The following CCDC85C variants were observed in gnomAD, a reference collection of about 807,000 sequenced individuals.
CCDC85C encodes coiled-coil domain-containing protein 85C.
A neutral mutation model predicts 38.3 loss-of-function variants in CCDC85C; 18 were observed. That is an observed-to-expected ratio of 0.47 (90% CI 0.33 to 0.70). CCDC85C has a LOEUF of 0.70. Among genes scored for constraint, CCDC85C ranks in the 30% least tolerant of loss-of-function variants. CCDC85C has a pLI of 0.03. For missense variants in CCDC85C, 566 were observed against 621.2 expected (o/e 0.91, Z 0.94); for synonymous variants, 264 against 293.8 (o/e 0.90, Z 1.04).
In CCDC85C at chr14:99,572,588, C is replaced by T; in HGVS notation, c.793+30579G>A. 1 of 438,918 alleles carries T rather than the reference C, an allele frequency of 2.3e-6. No individual in the cohort carries two copies. The highest frequency in any genetic ancestry group is 2.4e-5 in the Admixed American group (1 of 41,762). The allele number at this position is 438,918 out of a possible 1,614,324, so 27.2% of individuals were successfully genotyped here. A position where few individuals can be genotyped will look rare whatever the true frequency, so the allele number is the denominator to read the frequency against. ...CAGGGCCTGGTCAGCTCCGGGAAAG[C>T]TCTGACATCTGTCCTTTGCTGGAAA... is the stretch of plus-strand genomic sequence containing the variant. On this transcript the variant is annotated intron_variant, in intron 1 of 5. Transcript: ENST00000380243. The surrounding 1 kb of genome is among the most constrained non-coding windows in gnomAD (Gnocchi z 4.4).
intron 2 of CCDC85C, among the ~76,000 whole-genome samples, chr14:99,532,109 G>A (rs1897505389): frequency 5.3e-5 from 8 of 152,330 alleles, no homozygotes; most frequent in Admixed American, 2.0e-4. Flanking sequence ...GCCCTGTCCT[G>A]GAGAAGATGA....
rs2055220919 is a variant in CCDC85C at position 99,603,059 on chromosome 14, GT to G, written c.793+107del. ...TCCATGACAGCTGGAGGAGTCTGGA[GT>G]GGCGGCCGCATGAGTGGGACAGCCA... is the stretch of plus-strand genomic sequence containing the variant. On this transcript the variant is annotated intron_variant, in intron 1 of 5. Coordinates refer to ENST00000380243, the MANE Select transcript of CCDC85C (RefSeq NM_001144995.2). The surrounding 1 kb of genome is among the most constrained non-coding windows in gnomAD (Gnocchi z 7.5). 8.1e-7 allele frequency: 1 copy of G among 1,232,498 alleles called. No individual in the cohort carries two copies. Among genetic ancestry groups the G allele is most frequent in the African/African-American group, 1.6e-5 (1 of 63,854 alleles). The allele number at this position is 1,232,498 out of a possible 1,614,324, so 76.3% of individuals were successfully genotyped here.
chr14:99,545,035 GA>G lies in CCDC85C; in HGVS notation c.794-8948del, dbSNP rs1897781450. ...GGACACCCTTCCCAGTGCCTCCAGG[GA>G]AAAAAAGTAGCTAGAGAAGAGGAAA... is the stretch of plus-strand genomic sequence containing the variant. On this transcript the variant is annotated intron_variant, in intron 1 of 5. Transcript: ENST00000380243. The surrounding 1 kb of genome is among the most constrained non-coding windows in gnomAD (Gnocchi z 4.7). Among the ~76,000 whole-genome samples, 1 of 152,072 alleles carries G rather than the reference GA, an allele frequency of 6.6e-6. No homozygotes were observed. Among genetic ancestry groups the G allele is most frequent in the Non-Finnish European group, 1.5e-5 (1 of 68,004 alleles).
Position 99,501,336 on chromosome 14 carries a change from CT to C in CCDC85C, c.*13909del. 4 of 1,554,636 alleles carry C rather than the reference CT, an allele frequency of 2.6e-6. No homozygotes were observed. The highest frequency in any genetic ancestry group is 2.7e-6 in the Non-Finnish European group (3 of 1,128,368). ...AATTTTTCTATTGCTATTAATTTAC[CT>C]TTTTGTCCCCATTTCTAGGTGATAA... On this transcript the variant is annotated 3_prime_UTR_variant, in exon 6 of 6. Coordinates refer to ENST00000380243, the MANE Select transcript of CCDC85C (RefSeq NM_001144995.2).
intron 1 of CCDC85C, among the ~76,000 whole-genome samples, chr14:99,538,062 G>T (rs1002370177): frequency 6.6e-6 from 1 of 152,194 alleles, no homozygotes; most frequent in Non-Finnish European, 1.5e-5. Flanking sequence ...CACGTGTGGG[G>T]TCTCCCTCTG....
At chr14:99,534,988 G>A (rs1566764695) in intron 2 of CCDC85C, 1 of 448,742 alleles carries the variant, frequency 2.2e-6, no homozygotes, top group Admixed American at 3.7e-5. Context: ...ATCCCACCAG[G>A]CCCTGGGAAC....
At position 99,511,096 on chromosome 14, in the gene CCDC85C, A is replaced by G. The variant is rs1167869410; in HGVS notation, c.*4150T>C. On this transcript the variant is annotated 3_prime_UTR_variant, in exon 6 of 6. Coordinates refer to ENST00000380243, the MANE Select transcript of CCDC85C (RefSeq NM_001144995.2). ...TTAACCAGCCATATTGGCTCAATAA[A>G]TAGCTTCGGTAAGGAGTTAATTTCC... is the stretch of plus-strand genomic sequence containing the variant. 1.4e-5 allele frequency: 3 copies of G among 218,552 alleles called. No individual in the cohort carries two copies. Among genetic ancestry groups the G allele is most frequent in the Non-Finnish European group, 2.7e-5 (3 of 111,750 alleles). The allele number at this position is 218,552 out of a possible 1,614,324, so 13.5% of individuals were successfully genotyped here.
At position 99,510,954 on chromosome 14, in the gene CCDC85C, C is replaced by T. The variant is rs1375617623; in HGVS notation, c.*4292G>A. The T allele has an allele frequency of 7.0e-5, 34 of 483,132 alleles. No individual in the cohort carries two copies. Among genetic ancestry groups the T allele is most frequent in the East Asian group, 6.5e-4 (18 of 27,898 alleles). 29.9% of individuals were successfully genotyped at this position (483,132 alleles called of 1,614,324 possible). A position where few individuals can be genotyped will look rare whatever the true frequency, so the allele number is the denominator to read the frequency against. On this transcript the variant is annotated 3_prime_UTR_variant, in exon 6 of 6. Transcript: ENST00000380243. ...CAGAGTGGTCCTCACACCTAGAGGACGGGGACAACCAGCTTTCAGAGTAGC... is the reference window on the plus strand; with the variant it reads ...CAGAGTGGTCCTCACACCTAGAGGATGGGGACAACCAGCTTTCAGAGTAGC...
At chr14:99,574,462 C>T (rs1184809573) in intron 1 of CCDC85C, among the ~76,000 whole-genome samples, 1 of 152,160 alleles carries the variant, frequency 6.6e-6, no homozygotes, top group Non-Finnish European at 1.5e-5. Flanking sequence ...GCTCCCCTCA[C>T]CCCATCCCCA....
At position 99,512,475 on chromosome 14, in the gene CCDC85C, GAAAA is replaced by G. The variant is rs545684223; in HGVS notation, c.*2767_*2770del. 1 of 148,326 alleles carries G rather than the reference GAAAA, an allele frequency of 6.7e-6. No homozygotes were observed. The highest frequency in any genetic ancestry group is 2.5e-5 in the African/African-American group (1 of 40,434). 9.2% of individuals were successfully genotyped at this position (148,326 alleles called of 1,614,324 possible). ...TGTATCTTGTTTCCTCAAGTTTCAA[GAAAA>G]AAAAAATGAAAGGTCACTTTTTTCT... On this transcript the variant is annotated 3_prime_UTR_variant, in exon 6 of 6. Coordinates refer to ENST00000380243, the MANE Select transcript of CCDC85C (RefSeq NM_001144995.2).
intron 1 of CCDC85C, among the ~76,000 whole-genome samples, chr14:99,550,139 C>T (rs1270542638): frequency 6.6e-6 from 1 of 152,216 alleles, no homozygotes; most frequent in Non-Finnish European, 1.5e-5. Context: ...CAAAGATGCC[C>T]CCACCCTAAT....
rs559168303 is a variant in CCDC85C at position 99,588,918 on chromosome 14, C to A, written c.793+14249G>T. On this transcript the variant is annotated intron_variant, in intron 1 of 5. Coordinates refer to ENST00000380243, the MANE Select transcript of CCDC85C (RefSeq NM_001144995.2). This position sits in a 1 kb window ranked among gnomAD's most constrained non-coding sequence, Gnocchi z 5.0. ...TCCGAGCACCATGGATGTGAACCAA[C>A]TGCTTCACCTCATATGTGGGTAAAC... 6.6e-6 allele frequency among the ~76,000 whole-genome samples: 1 copy of A among 152,274 alleles called. No homozygotes were observed. Among genetic ancestry groups the A allele is most frequent in the East Asian group, 1.9e-4 (1 of 5,174 alleles).
At chr14:99,564,968 G>A (rs1262432565) in intron 1 of CCDC85C, among the ~76,000 whole-genome samples, 7 of 152,188 alleles carry the variant, frequency 4.6e-5, no homozygotes, top group South Asian at 2.1e-4. Context: ...TCTGCGTGGC[G>A]GCAGCTGCCA....
At position 99,501,466 on chromosome 14, in the gene CCDC85C, T is replaced by G. The variant is rs1896823308; in HGVS notation, c.*13780A>C. On this transcript the variant is annotated 3_prime_UTR_variant, in exon 6 of 6. Transcript: ENST00000380243. Reference sequence around the variant, plus strand: ...ACAGTATTTTAAAATAGGCAGAGACTTTATGGACCATTTCATCTAAACCCC... The same window carrying G: ...ACAGTATTTTAAAATAGGCAGAGACGTTATGGACCATTTCATCTAAACCCC... The G allele has an allele frequency of 1.7e-6, 2 of 1,169,892 alleles. No homozygotes were observed. Among genetic ancestry groups the G allele is most frequent in the Non-Finnish European group, 2.6e-6 (2 of 782,438 alleles). 72.5% of individuals were successfully genotyped at this position (1,169,892 alleles called of 1,614,324 possible). A position where few individuals can be genotyped will look rare whatever the true frequency, so the allele number is the denominator to read the frequency against.
chr14:99,564,527 G>A (rs1898178138), intron 1 of CCDC85C, among the ~76,000 whole-genome samples: 4 of 152,324 alleles, frequency 2.6e-5, no homozygotes, highest in Admixed American at 6.5e-5. Flanking sequence ...TGTCCTGGGC[G>A]CCAGCACCTC....
At chr14:99,578,180 T>C (rs2054919656) in intron 1 of CCDC85C, among the ~76,000 whole-genome samples, 1 of 144,182 alleles carries the variant, frequency 6.9e-6, no homozygotes, top group Non-Finnish European at 1.5e-5. Flanking sequence ...CCCATCAGTG[T>C]GTGTGTGTGT....
In CCDC85C at chr14:99,576,375, G is replaced by C. The variant is rs1328334631; in HGVS notation, c.793+26792C>G. On this transcript the variant is annotated intron_variant, in intron 1 of 5. Transcript: ENST00000380243. This position sits in a 1 kb window ranked among gnomAD's most constrained non-coding sequence, Gnocchi z 4.8. The stretch of plus-strand genomic sequence containing the variant: ...CACCCCTTCCTGCTCTGACATGCAG[G>C]ACCAAGCTGGCCCAGGAGAAGGACT... The C allele has an allele frequency of 2.0e-5, 3 of 152,348 alleles. No individual in the cohort carries two copies. The highest frequency in any genetic ancestry group is 7.2e-5 in the African/African-American group (3 of 41,450). The allele number at this position is 152,348 out of a possible 1,614,324, so 9.4% of individuals were successfully genotyped here. A position where few individuals can be genotyped will look rare whatever the true frequency, so the allele number is the denominator to read the frequency against.
At chr14:99,578,308 AGTGTGT>A (rs144925029) in intron 1 of CCDC85C, among the ~76,000 whole-genome samples, 1,142 of 104,720 alleles carry the variant, frequency 0.011, 11 homozygotes, top group African/African-American at 0.02. Context: ...ATCCCCCATC[AGTGTGT>A]GTGTGTGTGT....
In CCDC85C at chr14:99,535,757, G is replaced by T. The variant is rs1411295081; in HGVS notation, c.867+258C>A. On this transcript the variant is annotated intron_variant, in intron 2 of 5. Coordinates refer to ENST00000380243, the MANE Select transcript of CCDC85C (RefSeq NM_001144995.2). This position sits in a 1 kb window ranked among gnomAD's most constrained non-coding sequence, Gnocchi z 5.5. Reference sequence around the variant, plus strand: ...CCCATTTCTTCATCAACTGGGTGTTGTCCACCCTCTCAGGCCCTGGGCCAG... The same window carrying T: ...CCCATTTCTTCATCAACTGGGTGTTTTCCACCCTCTCAGGCCCTGGGCCAG... Among the ~76,000 whole-genome samples, 3 of 152,170 alleles carry T rather than the reference G, an allele frequency of 2.0e-5. No individual in the cohort carries two copies. Among genetic ancestry groups the T allele is most frequent in the African/African-American group, 7.2e-5 (3 of 41,430 alleles).
Sources: gnomAD v4.1 joint callset for allele counts (sites outside exome capture counted in the v4.1 genomes callset) on GRCh38, gnomAD v4.1.1 for gene constraint, Gnocchi (gnomAD v3.1) non-coding constraint, MANE v1.5 for transcripts, NCBI Gene and HGNC (gene_info 2026-07-23, HGNC 2026-07-21) for gene names.